Variants in WWP1 observed in about 807,000 individuals in gnomAD.
WWP1 encodes NEDD4-like E3 ubiquitin-protein ligase WWP1.
WWP1 carries 49 observed loss-of-function variants against 130.6 expected under a neutral mutation model. That is an observed-to-expected ratio of 0.38 (90% CI 0.30 to 0.48). The LOEUF is 0.48. WWP1 is among the 20% of genes least tolerant of loss of function. The pLI, the probability that WWP1 is intolerant of heterozygous loss-of-function variation, is 0.99. For synonymous variants in WWP1, 332 were observed against 367.8 expected, an observed-to-expected ratio of 0.90 and a Z score of 1.11; for missense variants, 809 against 1,100.6, an observed-to-expected ratio of 0.74 and a Z score of 3.75.
intron 1 of WWP1, among the ~76,000 whole-genome samples, chr8:86,367,106 T>TTGAA (rs1157043185): frequency 1.3e-5 from 2 of 152,236 alleles, no homozygotes; most frequent in African/African-American, 4.8e-5. Context: ...TCCACATTTA[T>TTGAA]TGAACTAAAC....
At chr8:86,432,336 C>T (rs144891512) in intron 14 of WWP1, among the ~76,000 whole-genome samples, 3 of 152,144 alleles carry the variant, frequency 2.0e-5, no homozygotes, top group Non-Finnish European at 2.9e-5. Context: ...CATATCTGTC[C>T]GTCTCCTACC....
chr8:86,399,857 C>T (rs985723777), intron 7 of WWP1, among the ~76,000 whole-genome samples: 1 of 152,114 alleles, frequency 6.6e-6, no homozygotes, highest in African/African-American at 2.4e-5. Context: ...CAGTCTTTAC[C>T]TGCCCAAACT....
chr8:86,390,287 C>G (rs576071722), intron 5 of WWP1, among the ~76,000 whole-genome samples: 16 of 152,000 alleles, frequency 1.1e-4, no homozygotes, highest in African/African-American at 3.9e-4. Flanking sequence ...ACTTCCCAGA[C>G]GGGGTGGCGG....
chr8:86,424,223 G>T (rs1809445396), intron 9 of WWP1, among the ~76,000 whole-genome samples: 1 of 151,100 alleles, frequency 6.6e-6, no homozygotes, highest in South Asian at 2.1e-4. Flanking sequence ...CGGGGCAGAG[G>T]CGCTCCCCAC....
intron 11 of WWP1, among the ~76,000 whole-genome samples, chr8:86,429,937 A>G (rs1213645277): frequency 6.6e-6 from 1 of 152,138 alleles, no homozygotes; most frequent in African/African-American, 2.4e-5. Flanking sequence ...GGTGGCTTAC[A>G]CCTGTAATCC....
chr8:86,377,479 C>T (rs1370241081), intron 3 of WWP1, among the ~76,000 whole-genome samples: 1 of 151,954 alleles, frequency 6.6e-6, no homozygotes, highest in African/African-American at 2.4e-5. Flanking sequence ...GTCTGTAAAC[C>T]GAGGTTCTCT....
chr8:86,458,674 T>G (rs1030606149), intron 22 of WWP1, among the ~76,000 whole-genome samples: 1 of 152,210 alleles, frequency 6.6e-6, no homozygotes, highest in South Asian at 2.1e-4. Flanking sequence ...GTGACTGGAC[T>G]TCTGGCTTAC....
chr8:86,445,864 G>A (rs1434290015), intron 18 of WWP1, among the ~76,000 whole-genome samples: 3 of 151,634 alleles, frequency 2.0e-5, no homozygotes, highest in Admixed American at 6.6e-5. Context: ...GTATGAGATG[G>A]TGTTTCATTG....
rs550280593 is a variant in WWP1, at chr8:86,434,926, A to G, written c.1602-526A>G. Reference sequence around the variant, plus strand: ...AGGCTCTGTCACTGTGAGTCAAACCATATTGTAAAACCTGTATTCCTAGGT... The same window carrying G: ...AGGCTCTGTCACTGTGAGTCAAACCGTATTGTAAAACCTGTATTCCTAGGT... On this transcript the variant is annotated intron_variant, in intron 14 of 24. Transcript: ENST00000517970. Among the ~76,000 whole-genome samples, 7 of 152,308 alleles carry G rather than the reference A, an allele frequency of 4.6e-5. No individual in the cohort carries two copies. In the South Asian group the frequency reaches 1.0e-3, roughly 23 times the overall value.
intron 9 of WWP1, among the ~76,000 whole-genome samples, chr8:86,416,631 A>G (rs1004191788): frequency 1.3e-5 from 2 of 150,608 alleles, no homozygotes; most frequent in Middle Eastern, 3.2e-3. Context: ...GAAAATTTGT[A>G]TATAATGTTT....
At chr8:86,437,064 AT>A (rs1810329495) in intron 16 of WWP1, among the ~76,000 whole-genome samples, 1 of 151,682 alleles carries the variant, frequency 6.6e-6, no homozygotes, top group South Asian at 2.1e-4. Flanking sequence ...GGTAGACTTT[AT>A]TTTGCTTTTT....
intron 5 of WWP1, among the ~76,000 whole-genome samples, chr8:86,389,977 A>G (rs182458423): frequency 0.065 from 9,672 of 149,608 alleles, 439 homozygotes; most frequent in Non-Finnish European, 0.11. Flanking sequence ...CACTTCTCAG[A>G]CGGGGCAGCC....
intron 7 of WWP1, 69 bp from the exon 8 acceptor site, chr8:86,401,950 T>C (rs1302202151): frequency 1.5e-6 from 2 of 1,352,968 alleles, no homozygotes; most frequent in Non-Finnish European, 9.7e-7. Flanking sequence ...TAGTAAATCC[T>C]ATGAAAATTC....
chr8:86,425,242 C>G lies in WWP1; in HGVS notation c.1081C>G (p.Pro361Ala). The part of the protein sequence containing the change: ...LPSGWEQRKD[P>A]HGRTYYVDHN... ...TTAAAGGTGGGAACAAAGAAAAGAT[C>G]CTCATGGTAGAACCTATTATGTGGA... is the stretch of plus-strand genomic sequence containing the variant. Residue 361 changes from proline to alanine, a missense_variant, in exon 10 of 25, where the codon CCT (proline) becomes GCT (alanine). Transcript: ENST00000517970. 1.2e-6 allele frequency: 2 copies of G among 1,610,790 alleles called. No individual in the cohort carries two copies. The highest frequency in any genetic ancestry group is 1.7e-6 in the Non-Finnish European group (2 of 1,178,842).
chr8:86,364,833 AAGAGAGAG>A (rs1012959189), intron 1 of WWP1, among the ~76,000 whole-genome samples: 25 of 113,740 alleles, frequency 2.2e-4, no homozygotes, highest in African/African-American at 6.6e-4. Flanking sequence ...GAAAGAAAGA[AAGAGAGAG>A]AGAGAGAGAG....
At chr8:86,458,101 A>G in intron 22 of WWP1, 76 bp downstream of exon 22, 1 of 1,177,998 alleles carries the variant, frequency 8.5e-7, no homozygotes, top group Non-Finnish European at 1.2e-6. Flanking sequence ...AAAATAGCTT[A>G]TTATTTTTAA....
chr8:86,370,848 ATTCATTCTTTTTTTTTT>A (rs1431074965), intron 2 of WWP1, among the ~76,000 whole-genome samples: 2 of 99,952 alleles, frequency 2.0e-5, no homozygotes, highest in African/African-American at 8.4e-5. Flanking sequence ...TTATAGCTAT[ATTCATTCTTTTTTTTTT>A]TTTTTTTTTT....
rs73273140 is a variant in WWP1, at chr8:86,468,502, G to A, written c.*1609G>A. On this transcript the variant is annotated 3_prime_UTR_variant, in exon 25 of 25. Coordinates refer to ENST00000517970, the MANE Select transcript of WWP1 (RefSeq NM_007013.4). ...GAAACTGGCCTTCAAAAAGGACTGC[G>A]TATACCATAAAAGAGTTAAGTATTA... 14,674 of 420,326 alleles carry A rather than the reference G, an allele frequency of 0.035. 395 individuals are homozygous for A. Among genetic ancestry groups the A allele is most frequent in the African/African-American group, 0.092 (4,434 of 48,344 alleles). 26.0% of individuals were successfully genotyped at this position (420,326 alleles called of 1,614,324 possible).
chr8:86,461,681 T>G (rs1811773759), intron 23 of WWP1, 93 bp from the exon 24 acceptor site: 1 of 990,430 alleles, frequency 1.0e-6, no homozygotes, highest in Non-Finnish European at 1.6e-6. Flanking sequence ...GTATCATTCA[T>G]ATGACTGTGC....
Sources: allele counts gnomAD v4.1 joint callset (sites outside exome capture counted in the v4.1 genomes callset), GRCh38; gene constraint gnomAD v4.1.1; transcripts MANE v1.5; gene names NCBI Gene and HGNC (gene_info 2026-07-23, HGNC 2026-07-21).